The following CYB5R2 variants were observed in gnomAD, a reference collection of about 807,000 sequenced individuals.
CYB5R2 encodes the protein NADH-cytochrome b5 reductase 2.
CYB5R2 carries 35 observed loss-of-function variants against 29.8 expected under a neutral mutation model. The observed-to-expected ratio is 1.17, with a 90% CI of 0.90 to 1.56. The LOEUF is 1.56. CYB5R2 is among the 40% of genes most tolerant of loss of function. The probability of loss-of-function intolerance (pLI) is 0.00; values close to 1 mark genes in which losing one functional copy is unlikely to be tolerated. For synonymous variants in CYB5R2, 169 were observed against 130.6 expected, an observed-to-expected ratio of 1.29 and a Z score of -2.01; for missense variants, 419 against 346.7, an observed-to-expected ratio of 1.21 and a Z score of -1.66.
At chr11:7,666,344 C>A in intron 8 of CYB5R2, 107 bp downstream of exon 8, 1 of 731,968 alleles carries the variant, frequency 1.4e-6, no homozygotes, top group East Asian at 2.5e-5. Context: ...TTAACCCCCA[C>A]ATCTGGTCCT....
chr11:7,666,649 C>G, intron 7 of CYB5R2, 99 bp from the exon 8 acceptor site: 1 of 766,372 alleles, frequency 1.3e-6, no homozygotes, highest in East Asian at 2.7e-5. Flanking sequence ...AAGCTGCCAC[C>G]ACTCCAGCTG....
intron 7 of CYB5R2, 22 bp from the exon 8 acceptor site, chr11:7,666,572 A>G: frequency 6.3e-7 from 1 of 1,578,798 alleles, no homozygotes; most frequent in Admixed American, 1.7e-5. Context: ...GCAACACTGA[A>G]AAAGCCCCTC....
rs78294480 is a variant in CYB5R2 at position 7,666,619 on chromosome 11, G to A, written c.559-69C>T. 2,497 of 1,167,482 alleles carry A rather than the reference G, an allele frequency of 2.1e-3. 69 individuals carry two copies. The East Asian group carries it at 0.054, about 25-fold the overall frequency. The allele number at this position is 1,167,482 out of a possible 1,614,324, so 72.3% of individuals were successfully genotyped here. ...TCTTGTTCCCTGGACTGACTACACC[G>A]GTCAGCATACTCCTGGCCAAAGCTG... On this transcript the variant is annotated intron_variant, in intron 7 of 8. Coordinates refer to ENST00000299498, the MANE Select transcript of CYB5R2 (RefSeq NM_016229.5).
chr11:7,672,972 C>G, intron 1 of CYB5R2, 81 bp from the exon 2 acceptor site: 1 of 1,361,292 alleles, frequency 7.3e-7, no homozygotes, highest in Admixed American at 2.0e-5. Flanking sequence ...AACACCCTCC[C>G]CACACCAAAG....
Position 7,672,769 on chromosome 11 carries a change from C to T in CYB5R2, c.57G>A (p.Pro19=), listed in dbSNP as rs756361351. ...ITLQDPEAKY[P]LPLIEKEKIS... The stretch of plus-strand genomic sequence containing the variant: ...TTACCTCTTTCTCAATCAAGGGCAG[C>T]GGGTACTTGGCTTCAGGGTCCTGTA... Residue 19 remains proline (P), a synonymous_variant, in exon 2 of 9, where the codon CCG becomes CCA. Transcript: ENST00000299498. 5.6e-6 allele frequency: 9 copies of T among 1,614,026 alleles called. No homozygotes were observed. The highest frequency in any genetic ancestry group is 5.3e-5 in the African/African-American group (4 of 74,904).
chr11:7,672,602 G>A, intron 2 of CYB5R2, 79 bp from the exon 3 acceptor site: 1 of 1,510,584 alleles, frequency 6.6e-7, no homozygotes, highest in Non-Finnish European at 9.2e-7. Context: ...GGGAAAGGAG[G>A]TCCGTTTGGC....
chr11:7,670,098 C>T (rs7928127), intron 3 of CYB5R2: 10,439 of 217,674 alleles, frequency 0.048, 850 homozygotes, highest in African/African-American at 0.19. Context: ...TGGTAGCTCA[C>T]GCCTGTAATC....
upstream of CYB5R2, chr11:7,674,208 T>C: frequency 1.6e-6 from 2 of 1,276,430 alleles, no homozygotes; most frequent in Middle Eastern, 2.3e-4. Context: ...AGCGCGCGAA[T>C]ATATTCATTC....
At chr11:7,665,897 G>T (rs543417686) in intron 8 of CYB5R2, 1 of 1,536,026 alleles carries the variant, frequency 6.5e-7, no homozygotes, top group East Asian at 2.4e-5. Flanking sequence ...GTGGAACTGC[G>T]CAGAATTGCT....
At position 7,668,762 on chromosome 11, in the gene CYB5R2, G is replaced by A. The variant is rs1855526779; in HGVS notation, c.389-201C>T. 4.9e-6 allele frequency: 3 copies of A among 616,558 alleles called. No homozygotes were observed. The South Asian group carries it at 5.7e-5, about 12-fold the overall frequency. The allele number at this position is 616,558 out of a possible 1,614,324, so 38.2% of individuals were successfully genotyped here. ...TGCACAAAGTGGGAATAGAGCCTGGGCTTGGTCGGGGAATCGCCGGGCCTT... is the reference window on the plus strand; with the variant it reads ...TGCACAAAGTGGGAATAGAGCCTGGACTTGGTCGGGGAATCGCCGGGCCTT... On this transcript the variant is annotated intron_variant, in intron 5 of 8. Coordinates refer to ENST00000299498, the MANE Select transcript of CYB5R2 (RefSeq NM_016229.5).
chr11:7,669,518 C>G (rs1855589674), intron 4 of CYB5R2, 107 bp downstream of exon 4: 1 of 1,214,506 alleles, frequency 8.2e-7, no homozygotes, highest in Non-Finnish European at 1.2e-6. Context: ...CTGGAAAGCC[C>G]TGCCTAGGGC....
At position 7,672,418 on chromosome 11, in the gene CYB5R2, C is replaced by A. The variant is rs772376001; in HGVS notation, c.151+33G>T. 77 of 1,598,914 alleles carry A rather than the reference C, an allele frequency of 4.8e-5. No homozygotes were observed. In the South Asian group the frequency reaches 8.3e-4, roughly 17 times the overall value. On this transcript the variant is annotated intron_variant, in intron 3 of 8. Coordinates refer to ENST00000299498, the MANE Select transcript of CYB5R2 (RefSeq NM_016229.5). Reference sequence around the variant, plus strand: ...AGAGGAGGGCCTAGCCCCCAGAGGCCCCAGTCCTGGTGATGACCCAAGCCC... The same window carrying A: ...AGAGGAGGGCCTAGCCCCCAGAGGCACCAGTCCTGGTGATGACCCAAGCCC...
At position 7,665,499 on chromosome 11, in the gene CYB5R2, G is replaced by A; in HGVS notation, c.706C>T (p.His236Tyr). The A allele has an allele frequency of 6.2e-7, 1 of 1,613,820 alleles. No individual in the cohort carries two copies. The highest frequency in any genetic ancestry group is 8.5e-7 in the Non-Finnish European group (1 of 1,179,886). ...GFVTADMIKE[H>Y]LPPPAKSTLI... ...GTGGACTTCGCTGGAGGAGGAAGGT[G>A]CTCCTTGATCATGTCGGCAGTAACG... The change falls in exon 9 of 9, where the codon CAC becomes TAC. Residue 236 changes from histidine to tyrosine, a missense_variant. Physicochemically the swap from His to Tyr is moderately conservative, Grantham distance 83. Transcript: ENST00000299498.
At position 7,672,534 on chromosome 11, in the gene CYB5R2, A is replaced by T; in HGVS notation, c.79-11T>A. 2 of 1,614,010 alleles carry T rather than the reference A, an allele frequency of 1.2e-6. No individual in the cohort carries two copies. Among genetic ancestry groups the T allele is most frequent in the Non-Finnish European group, 1.7e-6 (2 of 1,179,868 alleles). The stretch of plus-strand genomic sequence containing the variant: ...GTTGTGGCTGATTTTCTGATAAAAC[A>T]AAACATAGGCAGGTTCTGTCAGCTT... On this transcript the variant is annotated splice_polypyrimidine_tract_variant and intron_variant, in intron 2 of 8. Transcript: ENST00000299498.
At chr11:7,673,904 G>C (rs1042191132), upstream of CYB5R2, 187 of 998,966 alleles carry the variant, frequency 1.9e-4, no homozygotes, top group African/African-American at 3.1e-3. Context: ...GACCCCGGCG[G>C]CTGGCCCGCT....
chr11:7,666,420 C>T (rs1855226495), intron 8 of CYB5R2, 31 bp downstream of exon 8: 1 of 1,433,862 alleles, frequency 7.0e-7, no homozygotes, highest in African/African-American at 1.4e-5. Flanking sequence ...TGGTGCTGAC[C>T]CATGGTGAGT....
rs1855148093 is a variant in CYB5R2 at position 7,665,972 on chromosome 11, G to GT, written c.659-427dup. On this transcript the variant is annotated intron_variant, in intron 8 of 8. Transcript: ENST00000299498. ...ACAAGCAGGTACAGCCGGGAGCAGT[G>GT]TGAGAGGCGCGCCTGTGGGGTGCTC... 5.4e-6 allele frequency: 8 copies of GT among 1,478,644 alleles called. No individual in the cohort carries two copies. The Admixed American group carries it at 5.9e-5, about 11-fold the overall frequency. The allele number at this position is 1,478,644 out of a possible 1,614,324, so 91.6% of individuals were successfully genotyped here.
At position 7,672,911 on chromosome 11, in the gene CYB5R2, C is replaced by A. The variant is rs748882687; in HGVS notation, c.-66-20G>T. ...CGGGTCCTGGCAGACACAATGTGAA[C>A]AGAGCACCTCAGGTCTTGCCCGCCC... On this transcript the variant is annotated intron_variant, in intron 1 of 8. Transcript: ENST00000299498. The A allele has an allele frequency of 6.9e-6, 11 of 1,600,816 alleles. No individual in the cohort carries two copies. The highest frequency in any genetic ancestry group is 9.4e-6 in the Non-Finnish European group (11 of 1,173,514).
chr11:7,669,662 C>T lies in CYB5R2; in HGVS notation c.221G>A (p.Ser74Asn). The stretch of plus-strand genomic sequence containing the variant: ...GTCCACAAAGCCTCTGTCATCATCA[C>T]TGGAGACAGGGGTGTAAGCCCTGAC... ...LVVRAYTPVSSDDDRGFVDLI... is the reference protein window; with the variant it reads ...LVVRAYTPVSNDDDRGFVDLI... Residue 74 changes from serine to asparagine, a missense_variant, in exon 4 of 9, where the codon AGT becomes AAT. Physicochemically the swap from Ser to Asn is conservative, Grantham distance 46. Transcript: ENST00000299498. 6.2e-7 allele frequency: 1 copy of T among 1,611,946 alleles called. No homozygotes were observed. Among genetic ancestry groups the T allele is most frequent in the Non-Finnish European group, 8.5e-7 (1 of 1,179,054 alleles).
Sources: allele counts gnomAD v4.1 joint callset, GRCh38; gene constraint gnomAD v4.1.1; transcripts MANE v1.5; gene names NCBI Gene and HGNC (gene_info 2026-07-23, HGNC 2026-07-21).